Variants in DAP observed in about 807,000 individuals in gnomAD.
DAP encodes the protein death-associated protein 1.
In DAP, 8 loss-of-function variants were observed where a neutral mutation model predicts 13.8. That is an observed-to-expected ratio of 0.58 (90% CI 0.34 to 1.05). The LOEUF (loss-of-function observed/expected upper bound fraction) is 1.05. Among genes scored for constraint, DAP ranks in the 50% least tolerant of loss-of-function variants. DAP has a pLI of 0.03. For synonymous variants in DAP, 47 were observed against 47.5 expected, an observed-to-expected ratio of 0.99 and a Z score of 0.04; for missense variants, 106 against 133.2, an observed-to-expected ratio of 0.80 and a Z score of 1.01.
intron 2 of DAP, among the ~76,000 whole-genome samples, chr5:10,744,669 C>T (rs182800446): frequency 1.5e-4 from 23 of 152,290 alleles, no homozygotes; most frequent in South Asian, 2.1e-4. Context: ...GGCCAATGAC[C>T]GACTACATAT....
At chr5:10,685,073 T>G (rs3797111) in intron 2 of DAP, among the ~76,000 whole-genome samples, 26,188 of 152,202 alleles carry the variant, frequency 0.17, 2,530 homozygotes, top group East Asian at 0.29. Flanking sequence ...TTTGCTGCAG[T>G]CAAAAGTCCC....
At chr5:10,743,283 T>C (rs985752578) in intron 2 of DAP, among the ~76,000 whole-genome samples, 2 of 152,322 alleles carry the variant, frequency 1.3e-5, no homozygotes, top group Middle Eastern at 3.4e-3. Flanking sequence ...TATCAAGCAA[T>C]TGCATTTCCC....
At chr5:10,693,652 G>C (rs1244317803) in intron 2 of DAP, among the ~76,000 whole-genome samples, 3 of 152,202 alleles carry the variant, frequency 2.0e-5, no homozygotes, top group Non-Finnish European at 4.4e-5. Flanking sequence ...GACTTGGAAC[G>C]AGGGCTGTAT....
chr5:10,730,234 T>C (rs980061978), intron 2 of DAP, among the ~76,000 whole-genome samples: 17 of 152,346 alleles, frequency 1.1e-4, no homozygotes, highest in Non-Finnish European at 2.5e-4. Context: ...GTAGAGTACC[T>C]GGCACAGACG....
At chr5:10,683,268 T>G (rs1738069455) in intron 3 of DAP, 1 of 545,830 alleles carries the variant, frequency 1.8e-6, no homozygotes. Flanking sequence ...GGGAGTTCAC[T>G]GGTGGGAGGT....
intron 2 of DAP, among the ~76,000 whole-genome samples, chr5:10,720,970 C>T (rs62338813): frequency 0.09 from 13,704 of 152,224 alleles, 837 homozygotes; most frequent in African/African-American, 0.18. Context: ...CCAAGGCACG[C>T]ACTTTATGAC....
At chr5:10,746,616 C>CACCGTGCCCG (rs1202617547) in intron 2 of DAP, among the ~76,000 whole-genome samples, 1 of 152,310 alleles carries the variant, frequency 6.6e-6, no homozygotes, top group East Asian at 1.9e-4. Context: ...TGGCGTGAGA[C>CACCGTGCCCG]ACCGTGCCCG....
chr5:10,747,065 G>T (rs575397145), intron 2 of DAP, among the ~76,000 whole-genome samples: 219 of 152,286 alleles, frequency 1.4e-3, no homozygotes, highest in Non-Finnish European at 2.6e-3. Context: ...TACTATTCAG[G>T]ACTGCTGGAA....
At chr5:10,759,711 T>C (rs922662668) in intron 1 of DAP, among the ~76,000 whole-genome samples, 6 of 149,854 alleles carry the variant, frequency 4.0e-5, no homozygotes, top group Non-Finnish European at 8.9e-5. Flanking sequence ...TCCCGCCCTA[T>C]AGCGGAGGAC....
chr5:10,738,580 A>G (rs1441351880), intron 2 of DAP, among the ~76,000 whole-genome samples: 6 of 152,214 alleles, frequency 3.9e-5, no homozygotes, highest in African/African-American at 1.2e-4. Context: ...AAAATAAATG[A>G]CCTATACTCT....
In DAP at chr5:10,728,451, T is replaced by C. The variant is rs368277538; in HGVS notation, c.152+19724A>G. Among the ~76,000 whole-genome samples, 4 of 152,234 alleles carry C rather than the reference T, an allele frequency of 2.6e-5. No homozygotes were observed. In the South Asian group the frequency reaches 8.3e-4, roughly 32 times the overall value. On this transcript the variant is annotated intron_variant, in intron 2 of 3. Coordinates refer to ENST00000230895, the MANE Select transcript of DAP (RefSeq NM_004394.3). ...CCAAAAAGACAAAAAAGAAGACCTCTGATGGACCAAGACTATGTTCTTTTG... is the reference window on the plus strand; with the variant it reads ...CCAAAAAGACAAAAAAGAAGACCTCCGATGGACCAAGACTATGTTCTTTTG...
At chr5:10,696,875 G>A (rs1738450620) in intron 2 of DAP, among the ~76,000 whole-genome samples, 2 of 152,126 alleles carry the variant, frequency 1.3e-5, no homozygotes, top group Admixed American at 1.3e-4. Flanking sequence ...ATGAGAAAAG[G>A]TTCCCCCAGC....
At chr5:10,760,896 G>A in intron 1 of DAP, 118 bp downstream of exon 1, 4 of 608,978 alleles carry the variant, frequency 6.6e-6, no homozygotes, top group Non-Finnish European at 9.1e-6. Context: ...GGGCATCAAG[G>A]CCCGGAACCC....
intron 2 of DAP, 113 bp from the exon 3 acceptor site, chr5:10,683,684 G>T: frequency 1.0e-6 from 1 of 973,572 alleles, no homozygotes; most frequent in Non-Finnish European, 1.6e-6. Flanking sequence ...GAGGCAGAAT[G>T]GGAAGCAAAC....
intron 2 of DAP, among the ~76,000 whole-genome samples, chr5:10,744,338 A>G (rs2930058): frequency 0.27 from 41,206 of 152,126 alleles, 5,930 homozygotes; most frequent in Middle Eastern, 0.39. Flanking sequence ...GTCACATGCT[A>G]TAAGACATTT....
At chr5:10,683,081 G>A in intron 3 of DAP, 1 of 245,874 alleles carries the variant, frequency 4.1e-6, no homozygotes, top group Non-Finnish European at 7.9e-6. Context: ...TGGGCAGGCT[G>A]GAGCCACACT....
chr5:10,733,167 T>C (rs1025093481), intron 2 of DAP, among the ~76,000 whole-genome samples: 16 of 71,818 alleles, frequency 2.2e-4, no homozygotes, highest in Admixed American at 7.7e-4. Flanking sequence ...TGTGTGTGTG[T>C]GTGTGTGTGT....
chr5:10,724,601 G>T (rs994917130), intron 2 of DAP, among the ~76,000 whole-genome samples: 1 of 152,184 alleles, frequency 6.6e-6, no homozygotes, highest in Non-Finnish European at 1.5e-5. Context: ...GACCAGGGGA[G>T]GCTGGCTCTT....
rs190358594 is a variant in DAP at position 10,685,483 on chromosome 5, G to C, written c.153-1912C>G. On this transcript the variant is annotated intron_variant, in intron 2 of 3. Coordinates refer to ENST00000230895, the MANE Select transcript of DAP (RefSeq NM_004394.3). ...CAAGGAGTTTGCATCCAAAGCTCAG[G>C]AACTGTGGTCTGAATTCTAACATTT... Among the ~76,000 whole-genome samples, 3 of 151,792 alleles carry C rather than the reference G, an allele frequency of 2.0e-5. No individual in the cohort carries two copies. The East Asian group carries it at 6.0e-4, about 30-fold the overall frequency.
Sources: gnomAD v4.1 joint callset for allele counts (sites outside exome capture counted in the v4.1 genomes callset) on GRCh38, gnomAD v4.1.1 for gene constraint, MANE v1.5 for transcripts, NCBI Gene and HGNC (gene_info 2026-07-23, HGNC 2026-07-21) for gene names.